Variants in STK3 observed in about 807,000 individuals in gnomAD.
The protein encoded by STK3 is serine/threonine kinase 3.
STK3 carries 41 observed loss-of-function variants against 58.0 expected under a neutral mutation model. The observed-to-expected ratio is 0.71, with a 90% CI of 0.55 to 0.92. The LOEUF is 0.92. Ranked by LOEUF, STK3 falls within the 40% of genes least tolerant of loss-of-function variation. The pLI is 0.00. For synonymous variants in STK3, 170 were observed against 191.0 expected (o/e 0.89, Z 0.91); for missense variants, 479 against 602.7 (o/e 0.79, Z 2.15).
At position 98,645,799 on chromosome 8, in the gene STK3, C is replaced by T. The variant is rs575046972; in HGVS notation, c.685-49630G>A. ...CTACTTTTCTAATTATATATATATA[C>T]ATATATAGATATAGATACAGATATA... On this transcript the variant is annotated intron_variant, in intron 6 of 10. Transcript: ENST00000419617. Among the ~76,000 whole-genome samples, 948 of 146,538 alleles carry T rather than the reference C, an allele frequency of 6.5e-3. 10 individuals carry two copies. The highest frequency in any genetic ancestry group is 0.011 in the Non-Finnish European group (720 of 64,472).
At chr8:98,348,402 CA>C in the STK3 span, among the ~76,000 whole-genome samples, 1 of 152,126 alleles carries the variant, frequency 6.6e-6, no homozygotes, top group African/African-American at 2.4e-5. Flanking sequence ...ATCCATGAAA[CA>C]AAGAATTGAT....
chr8:98,434,082 G>A (rs558555610), intron 3 of STK3: 1 of 152,350 alleles, frequency 6.6e-6, no homozygotes, highest in South Asian at 2.1e-4. Flanking sequence ...AAGGGGCCCT[G>A]AGGTGTATGG....
chr8:98,841,243 C>T (rs902903101), intron 3 of STK3, among the ~76,000 whole-genome samples: 1 of 152,212 alleles, frequency 6.6e-6, no homozygotes, highest in Non-Finnish European at 1.5e-5. Flanking sequence ...GAGAGGATTA[C>T]ACAGAGCTTG....
chr8:98,471,809 A>G (rs560198635), intron 10 of STK3, among the ~76,000 whole-genome samples: 5 of 152,306 alleles, frequency 3.3e-5, no homozygotes, highest in Non-Finnish European at 7.4e-5. Context: ...AAATCTGTCA[A>G]CCAAAAAAGT....
chr8:98,386,812 T>C (rs1817796235), intron 1 of STK3, among the ~76,000 whole-genome samples: 1 of 152,056 alleles, frequency 6.6e-6, no homozygotes, highest in Non-Finnish European at 1.5e-5. Context: ...AAACCCCGTC[T>C]CTACTAAAAA....
chr8:98,937,054 A>G (rs1020525016), intron 1 of STK3, among the ~76,000 whole-genome samples: 22 of 152,246 alleles, frequency 1.4e-4, no homozygotes, highest in Non-Finnish European at 2.5e-4. Flanking sequence ...AGAGGCAAAG[A>G]TAACAGAGCT....
chr8:98,521,800 C>T (rs1352033142), intron 10 of STK3, among the ~76,000 whole-genome samples: 3 of 152,134 alleles, frequency 2.0e-5, no homozygotes, highest in Non-Finnish European at 4.4e-5. Context: ...TAGTTCCTGC[C>T]TTCTCTCTTT....
chr8:98,527,150 T>C (rs1825806046), intron 9 of STK3, among the ~76,000 whole-genome samples: 1 of 152,206 alleles, frequency 6.6e-6, no homozygotes, highest in Non-Finnish European at 1.5e-5. Context: ...GTTTAGATTG[T>C]AGAAACATTT....
intron 3 of STK3, among the ~76,000 whole-genome samples, chr8:98,422,703 C>A (rs12386847): frequency 0.2 from 29,771 of 152,128 alleles, 3,279 homozygotes; most frequent in African/African-American, 0.29. Flanking sequence ...TGCCCTAAGA[C>A]CTGGGGCAGT....
intron 4 of STK3, chr8:98,721,078 C>G (rs1266875381): frequency 4.4e-5 from 43 of 984,810 alleles, no homozygotes; most frequent in Non-Finnish European, 5.1e-5. Flanking sequence ...ACTCACCTGG[C>G]CAATAATTTT....
rs767287793 is a variant in STK3, at chr8:98,429,282, G to A, written n.483+4845C>T. 153 of 1,613,988 alleles carry A rather than the reference G, an allele frequency of 9.5e-5. No homozygotes were observed. Among genetic ancestry groups the A allele is most frequent in the Non-Finnish European group, 1.2e-4 (144 of 1,180,052 alleles). On this transcript the variant is annotated intron_variant and non_coding_transcript_variant, in intron 3 of 3. Transcript: ENST00000517832. ...CATGCGCAGCTGTGACTTTGGAGAT[G>A]GAATGAAGGAGGTCCCTTCGGTCAA...
downstream of STK3, among the ~76,000 whole-genome samples, chr8:98,398,677 G>A (rs992615662): frequency 2.6e-5 from 4 of 152,146 alleles, no homozygotes; most frequent in Non-Finnish European, 4.4e-5. Flanking sequence ...CATCTCCCCC[G>A]AGGCTGCCAA....
intron 10 of STK3, among the ~76,000 whole-genome samples, chr8:98,458,589 C>T (rs763029022): frequency 2.2e-4 from 33 of 152,114 alleles, no homozygotes; most frequent in Non-Finnish European, 4.0e-4. Context: ...TGTGTCCCCA[C>T]CCAAATCTCA....
At chr8:98,721,102 A>C in intron 4 of STK3, 3 of 985,356 alleles carry the variant, frequency 3.0e-6, no homozygotes, top group South Asian at 9.4e-5. Flanking sequence ...GATTCCTTTC[A>C]CCCTGAGTAC....
chr8:98,766,368 A>G (rs745914962), intron 3 of STK3, among the ~76,000 whole-genome samples: 38 of 152,214 alleles, frequency 2.5e-4, no homozygotes, highest in Non-Finnish European at 4.1e-4. Context: ...TGACTTCTTA[A>G]TTAGTAAAAG....
intron 10 of STK3, among the ~76,000 whole-genome samples, chr8:98,524,832 A>C (rs944039703): frequency 5.3e-5 from 8 of 152,224 alleles, no homozygotes; most frequent in African/African-American, 1.9e-4. Flanking sequence ...TCACTTAAGA[A>C]ACCCCAGGTA....
At chr8:98,756,444 C>A (rs943077906) in intron 3 of STK3, among the ~76,000 whole-genome samples, 2 of 152,062 alleles carry the variant, frequency 1.3e-5, no homozygotes, top group African/African-American at 4.8e-5. Context: ...TAGGCAGAAG[C>A]CTGACCATGA....
chr8:98,596,712 A>G (rs1478654572), intron 6 of STK3, among the ~76,000 whole-genome samples: 1 of 152,000 alleles, frequency 6.6e-6, no homozygotes, highest in Non-Finnish European at 1.5e-5. Flanking sequence ...ATACTACTTT[A>G]ATTTATTACT....
rs560448357 is a variant in STK3, at chr8:98,834,979, A to G, written c.110+48668T>C. 1.1e-4 allele frequency among the ~76,000 whole-genome samples: 16 copies of G among 152,352 alleles called. No homozygotes were observed. In the South Asian group the frequency reaches 3.1e-3, roughly 30 times the overall value. On this transcript the variant is annotated intron_variant, in intron 3 of 12. Transcript: ENST00000523601. ...TACCAGGAATTTACATTGAAATAACATAAGCTCTTGATTGGCTATTCATTT... is the reference window on the plus strand; with the variant it reads ...TACCAGGAATTTACATTGAAATAACGTAAGCTCTTGATTGGCTATTCATTT...
Sources: allele counts gnomAD v4.1 joint callset (sites outside exome capture counted in the v4.1 genomes callset), GRCh38; gene constraint gnomAD v4.1.1; transcripts MANE v1.5; gene names NCBI Gene and HGNC (gene_info 2026-07-23, HGNC 2026-07-21).